CDH18: variants seen among roughly 807,000 people sequenced by gnomAD.
CDH18 encodes cadherin 18.
In CDH18, 31 loss-of-function variants were observed where a neutral mutation model predicts 67.9. The observed-to-expected ratio is 0.46, with a 90% CI of 0.34 to 0.62. The LOEUF is 0.62. CDH18 is among the 20% of genes least tolerant of loss of function. The probability of loss-of-function intolerance (pLI) is 0.01; values close to 1 mark genes in which losing one functional copy is unlikely to be tolerated. For synonymous variants in CDH18, 362 were observed against 347.2 expected (o/e 1.04, Z -0.48); for missense variants, 890 against 975.5 (o/e 0.91, Z 1.17).
At chr5:19,781,409 T>C (rs1283931191) in intron 3 of CDH18, among the ~76,000 whole-genome samples, 1 of 152,018 alleles carries the variant, frequency 6.6e-6, no homozygotes, top group Non-Finnish European at 1.5e-5. Context: ...AATGGAAATA[T>C]GTGTATGACC....
At chr5:20,365,928 C>G (rs1742479433) in intron 1 of CDH18, among the ~76,000 whole-genome samples, 1 of 152,058 alleles carries the variant, frequency 6.6e-6, no homozygotes, top group African/African-American at 2.4e-5. Context: ...GTGCCGTTGG[C>G]CTTCCATTCA....
intron 2 of CDH18, among the ~76,000 whole-genome samples, chr5:19,995,177 T>C (rs551887798): frequency 6.6e-6 from 1 of 152,138 alleles, no homozygotes; most frequent in East Asian, 2.0e-4. Context: ...AGAAATACCC[T>C]TGGACACACT....
At chr5:20,514,617 G>T (rs1012630493) in intron 1 of CDH18, among the ~76,000 whole-genome samples, 1 of 151,914 alleles carries the variant, frequency 6.6e-6, no homozygotes, top group Non-Finnish European at 1.5e-5. Flanking sequence ...TGTGTGTCTG[G>T]GTGTGTTTGT....
intron 3 of CDH18, 142 bp from the exon 4 acceptor site, chr5:19,747,378 G>T: frequency 3.3e-6 from 2 of 602,900 alleles, no homozygotes; most frequent in East Asian, 3.0e-5. Context: ...ACTATCATTT[G>T]CTTTTCTGCA....
intron 4 of CDH18, among the ~76,000 whole-genome samples, chr5:19,730,010 C>T (rs1767384080): frequency 6.6e-6 from 1 of 152,060 alleles, no homozygotes. Flanking sequence ...GCCTTTCTGT[C>T]TCTCTCTCCC....
intron 1 of CDH18, among the ~76,000 whole-genome samples, chr5:20,480,077 G>A (rs1285384248): frequency 6.6e-6 from 1 of 152,072 alleles, no homozygotes; most frequent in Admixed American, 6.6e-5. Context: ...GACTTTATCA[G>A]ACAAATGAAA....
chr5:20,511,479 T>C (rs1755032420), intron 1 of CDH18, among the ~76,000 whole-genome samples: 1 of 152,156 alleles, frequency 6.6e-6, no homozygotes, highest in Admixed American at 6.6e-5. Context: ...AAAAAGTGTT[T>C]CATAATATAT....
chr5:19,970,891 T>G (rs1797959426), intron 2 of CDH18, among the ~76,000 whole-genome samples: 2 of 151,580 alleles, frequency 1.3e-5, no homozygotes, highest in Admixed American at 6.6e-5. Context: ...TACAGAAAAC[T>G]TTTTAAAAAC....
chr5:20,132,915 T>C (rs1749393917), intron 2 of CDH18, among the ~76,000 whole-genome samples: 1 of 152,170 alleles, frequency 6.6e-6, no homozygotes, highest in African/African-American at 2.4e-5. Flanking sequence ...TATCTTTCTC[T>C]TTATGCAGAA....
chr5:19,928,954 T>C (rs1793388120), intron 2 of CDH18, among the ~76,000 whole-genome samples: 2 of 149,500 alleles, frequency 1.3e-5, no homozygotes, highest in Non-Finnish European at 3.0e-5. Flanking sequence ...CCTAAATCAT[T>C]TTTATTTTAT....
Position 19,612,509 on chromosome 5 carries a change from C to T in CDH18, c.736G>A (p.Gly246Arg), listed in dbSNP as rs748725939. 1 of 1,614,012 alleles carries T rather than the reference C, an allele frequency of 6.2e-7. No homozygotes were observed. Among genetic ancestry groups the T allele is most frequent in the Non-Finnish European group, 8.5e-7 (1 of 1,179,978 alleles). Residue 246 changes from glycine (G) to arginine (R), a missense_variant, in exon 6 of 13, where the codon GGA becomes AGA. Physicochemically the swap from Gly to Arg is moderately radical, Grantham distance 125. Coordinates refer to ENST00000382275, the MANE Select transcript of CDH18 (RefSeq NM_004934.5). ...IQAKDMAGQVGGLSGSTTVNI... is the reference protein window; with the variant it reads ...IQAKDMAGQVRGLSGSTTVNI... ...ACTGTTGTAGATCCTGAAAGCCCTC[C>T]AACTTGCCCAGCCATGTCTTTGGCT...
Position 20,485,540 on chromosome 5 carries a change from G to T in CDH18, c.-580+89922C>A, listed in dbSNP as rs983011884. ...TAAGTGCTCATATGTGTATATGGCT[G>T]TGCAGAAAAGATAAAGTTCATCTAA... On this transcript the variant is annotated intron_variant, in intron 1 of 14. Transcript: ENST00000507958. Among the ~76,000 whole-genome samples the T allele has an allele frequency of 7.2e-5, 11 of 152,146 alleles. No homozygotes were observed. In the East Asian group the frequency reaches 1.9e-3, roughly 27 times the overall value.
chr5:20,373,222 A>C (rs979459666), intron 1 of CDH18, among the ~76,000 whole-genome samples: 1 of 152,196 alleles, frequency 6.6e-6, no homozygotes. Flanking sequence ...CTGAAATACA[A>C]TTGCCTCTCA....
chr5:20,293,778 G>C (rs1747278074), intron 1 of CDH18, among the ~76,000 whole-genome samples: 1 of 152,096 alleles, frequency 6.6e-6, no homozygotes, highest in Non-Finnish European at 1.5e-5. Context: ...TTCTTTTGAT[G>C]AGTTTTCTAT....
chr5:20,339,053 C>G (rs116773990), intron 1 of CDH18, among the ~76,000 whole-genome samples: 1 of 152,120 alleles, frequency 6.6e-6, no homozygotes, highest in Non-Finnish European at 1.5e-5. Flanking sequence ...CTCTCTCTCT[C>G]CACCCAAGGA....
At chr5:19,932,765 A>G (rs1394666505) in intron 2 of CDH18, among the ~76,000 whole-genome samples, 2 of 151,660 alleles carry the variant, frequency 1.3e-5, no homozygotes, top group African/African-American at 4.8e-5. Context: ...CCTAATTATT[A>G]AAAATATTCC....
intron 1 of CDH18, among the ~76,000 whole-genome samples, chr5:20,460,398 C>CATAAATAA (rs71688150): frequency 0.014 from 1,997 of 141,246 alleles, 22 homozygotes; most frequent in Middle Eastern, 0.051. Context: ...TCTCTAAATA[C>CATAAATAA]ATAAATAAAT....
intron 1 of CDH18, among the ~76,000 whole-genome samples, chr5:20,299,757 C>CAAAA (rs368044422): frequency 0.047 from 5,013 of 107,278 alleles, 222 homozygotes; most frequent in East Asian, 0.13. Context: ...GGCTCTGTCT[C>CAAAA]AAAAAAAAAA....
At chr5:19,536,613 T>C (rs1232902382) in intron 9 of CDH18, among the ~76,000 whole-genome samples, 3 of 152,212 alleles carry the variant, frequency 2.0e-5, no homozygotes, top group East Asian at 3.9e-4. Context: ...AATCAAATTG[T>C]GGTTAGAAAC....
Sources: gnomAD v4.1 joint callset for allele counts (sites outside exome capture counted in the v4.1 genomes callset) on GRCh38, gnomAD v4.1.1 for gene constraint, MANE v1.5 for transcripts, NCBI Gene and HGNC (gene_info 2026-07-23, HGNC 2026-07-21) for gene names.